The following TMA7B variants were observed in gnomAD, a reference collection of about 807,000 sequenced individuals.
TMA7B encodes the protein translation machinery-associated protein 7B.
chr22:39,962,336 T>G, the TMA7B span, among the ~76,000 whole-genome samples: 1 of 152,004 alleles, frequency 6.6e-6, no homozygotes, highest in Non-Finnish European at 1.5e-5. Flanking sequence ...GTTAAAGGAT[T>G]GTTGGAGCTG....
At chr22:39,960,448 T>A in the TMA7B span, 22 of 413,120 alleles carry the variant, frequency 5.3e-5, no homozygotes, top group Non-Finnish European at 8.5e-5. Context: ...GGCAGGATTT[T>A]CCTCTACTTC....
chr22:39,964,413 A>G, the TMA7B span: 1 of 826,704 alleles, frequency 1.2e-6, no homozygotes, highest in South Asian at 1.4e-5. Context: ...AGGCACTGAA[A>G]CAGCCCAAGA....
chr22:39,964,287 C>G, the TMA7B span: 1 of 653,292 alleles, frequency 1.5e-6, no homozygotes, highest in Non-Finnish European at 2.7e-6. Context: ...TGTCCCATCA[C>G]TTGTGAGTCC....
chr22:39,961,394 CA>C, the TMA7B span, among the ~76,000 whole-genome samples: 2 of 152,172 alleles, frequency 1.3e-5, no homozygotes, highest in Non-Finnish European at 2.9e-5. Context: ...AAGCACTCAG[CA>C]TGCCAAGGGG....
At chr22:39,963,239 C>G in the TMA7B span, among the ~76,000 whole-genome samples, 1 of 152,152 alleles carries the variant, frequency 6.6e-6, no homozygotes, top group Non-Finnish European at 1.5e-5. Context: ...GCCTGAAACA[C>G]CAGATTTTGG....
the TMA7B span, among the ~76,000 whole-genome samples, chr22:39,963,503 G>A: frequency 8.3e-4 from 127 of 152,304 alleles, no homozygotes; most frequent in African/African-American, 2.8e-3. Flanking sequence ...GTTGATCCAT[G>A]TTGTCTTAGA....
chr22:39,964,734 A>AAAAC, the TMA7B span: 1 of 471,388 alleles, frequency 2.1e-6, no homozygotes. Context: ...AAAAAAAAAA[A>AAAAC]TCTTCCAGTG....
the TMA7B span, chr22:39,964,701 A>G: frequency 2.2e-6 from 1 of 458,380 alleles, no homozygotes; most frequent in Non-Finnish European, 3.8e-6. Flanking sequence ...TGTACATTTA[A>G]GAATAAACTT....
At chr22:39,964,683 G>A in the TMA7B span, 1 of 527,254 alleles carries the variant, frequency 1.9e-6, no homozygotes, top group Admixed American at 3.6e-5. Flanking sequence ...GTGTCGTCTT[G>A]GAGCTGTTGT....
At chr22:39,961,668 G>C in the TMA7B span, among the ~76,000 whole-genome samples, 1 of 152,288 alleles carries the variant, frequency 6.6e-6, no homozygotes, top group East Asian at 1.9e-4. Flanking sequence ...GTTGAGGATC[G>C]CAAGTCACGT....
At chr22:39,963,771 A>G in the TMA7B span, 1 of 152,474 alleles carries the variant, frequency 6.6e-6, no homozygotes, top group African/African-American at 2.4e-5. Context: ...TAATCCCAGC[A>G]CTTTGGGAGG....
the TMA7B span, chr22:39,964,692 G>A: frequency 5.9e-6 from 2 of 338,596 alleles, no homozygotes; most frequent in African/African-American, 2.6e-5. Flanking sequence ...TGGAGCTGTT[G>A]TACATTTAAG....
the TMA7B span, chr22:39,964,577 C>T: frequency 5.0e-6 from 4 of 801,182 alleles, no homozygotes; most frequent in Admixed American, 5.2e-5. Context: ...TAAGCTGTTC[C>T]TTGTGCCTAA....
the TMA7B span, among the ~76,000 whole-genome samples, chr22:39,964,898 AG>A: frequency 6.6e-6 from 1 of 152,182 alleles, no homozygotes; most frequent in African/African-American, 2.4e-5. Context: ...CTCATTTGAA[AG>A]AAAAAAGAAG....
chr22:39,962,951 G>A, the TMA7B span, among the ~76,000 whole-genome samples: 5 of 152,168 alleles, frequency 3.3e-5, no homozygotes, highest in Admixed American at 6.5e-5. Flanking sequence ...TTACAGGCGC[G>A]ACCCACTGTG....
Sources: gnomAD v4.1 joint callset for allele counts (sites outside exome capture counted in the v4.1 genomes callset) on GRCh38, gnomAD v4.1.1 for gene constraint, MANE v1.5 for transcripts, NCBI Gene and HGNC (gene_info 2026-07-23, HGNC 2026-07-21) for gene names.